The following WDR11 variants were observed in gnomAD, a reference collection of about 807,000 sequenced individuals.
The protein encoded by WDR11 is WD repeat domain 11.
WDR11 carries 83 observed loss-of-function variants against 151.2 expected under a neutral mutation model. The ratio of observed to expected loss-of-function variants is 0.55; its 90% CI spans 0.46 to 0.66. The LOEUF is 0.66. Ranked by LOEUF, WDR11 falls within the 30% of genes least tolerant of loss-of-function variation. The pLI is 0.00. For synonymous variants in WDR11, 484 were observed against 533.1 expected (o/e 0.91, Z 1.27); for missense variants, 1,301 against 1,480.9 (o/e 0.88, Z 1.99).
At chr10:120,886,588 C>A in intron 15 of WDR11, 101 bp from the exon 16 acceptor site, 4 of 1,435,968 alleles carry the variant, frequency 2.8e-6, no homozygotes, top group Non-Finnish European at 3.8e-6. Context: ...TAGTTTTGGA[C>A]CTCCTCTTAA....
At chr10:120,860,442 A>G (rs1185026239) in intron 4 of WDR11, among the ~76,000 whole-genome samples, 160 bp downstream of exon 4, 1 of 152,206 alleles carries the variant, frequency 6.6e-6, no homozygotes, top group African/African-American at 2.4e-5. Flanking sequence ...AGCTCCTAAT[A>G]CACATACTCA....
intron 23 of WDR11, among the ~76,000 whole-genome samples, chr10:120,903,441 C>T (rs906760035): frequency 3.3e-5 from 5 of 150,740 alleles, no homozygotes; most frequent in Admixed American, 1.3e-4. Context: ...ACCCAGGAGG[C>T]GGAGGTTGCA....
chr10:120,896,568 G>T (rs970470070), intron 19 of WDR11, among the ~76,000 whole-genome samples: 11 of 152,068 alleles, frequency 7.2e-5, no homozygotes, highest in African/African-American at 1.9e-4. Flanking sequence ...CTAAAACACA[G>T]AACTTCCCAT....
rs773097370 is a variant in WDR11 at position 120,905,396 on chromosome 10, C to T, written c.3271C>T (p.Arg1091Trp). 14 of 1,614,004 alleles carry T rather than the reference C, an allele frequency of 8.7e-6. No homozygotes were observed. Among genetic ancestry groups the T allele is most frequent in the African/African-American group, 1.3e-5 (1 of 74,918 alleles). ...CCTGCAGACATACGGCGAGTGGAAT[C>T]GGGCTGCATGGCTGGCAAAAGTAGG... Reference protein sequence around the residue: ...RYLQTYGEWNRAAWLAKVRLN... With the variant: ...RYLQTYGEWNWAAWLAKVRLN... The change falls in exon 26 of 29, where the codon CGG (arginine) becomes TGG (tryptophan). Residue 1091 changes from arginine to tryptophan, a missense_variant. This residue lies in a region of WDR11 where 589 missense variants were observed against 670.6 expected (regional missense o/e 0.88). Transcript: ENST00000263461.
intron 11 of WDR11, among the ~76,000 whole-genome samples, chr10:120,874,772 G>A (rs1228683297): frequency 6.6e-6 from 1 of 151,220 alleles, no homozygotes; most frequent in Non-Finnish European, 1.5e-5. Flanking sequence ...ATTCCATGGT[G>A]TGTATGTACC....
intron 26 of WDR11, 112 bp downstream of exon 26, chr10:120,905,528 C>T (rs1848004785): frequency 2.7e-6 from 3 of 1,092,052 alleles, no homozygotes; most frequent in Non-Finnish European, 4.2e-6. Context: ...AGCTGCTTTG[C>T]AAATACTGTC....
At chr10:120,875,210 C>T (rs545897346) in intron 11 of WDR11, among the ~76,000 whole-genome samples, 1 of 152,298 alleles carries the variant, frequency 6.6e-6, no homozygotes, top group African/African-American at 2.4e-5. Flanking sequence ...CTGCTTATGA[C>T]AAATTCAAAT....
At chr10:120,903,503 C>T (rs2133813661) in intron 23 of WDR11, among the ~76,000 whole-genome samples, 1 of 144,406 alleles carries the variant, frequency 6.9e-6, no homozygotes, top group African/African-American at 2.6e-5. Context: ...GAGCAAGACT[C>T]TGTCTCCAAA....
At chr10:120,906,388 G>A in intron 27 of WDR11, 1 of 1,242,704 alleles carries the variant, frequency 8.0e-7, no homozygotes, top group Non-Finnish European at 1.0e-6. Flanking sequence ...CATCCCGTCT[G>A]AAAATCTGGA....
Position 120,860,245 on chromosome 10 carries a change from T to C in WDR11, c.489T>C (p.Ser163=), listed in dbSNP as rs1296064897. 2 of 1,614,040 alleles carry C rather than the reference T, an allele frequency of 1.2e-6. No homozygotes were observed. Among genetic ancestry groups the C allele is most frequent in the Admixed American group, 3.3e-5 (2 of 60,008 alleles). Residue 163 remains serine, a synonymous_variant, in exon 4 of 29, where the codon TCT becomes TCC. Transcript: ENST00000263461. ...WKKSYADNIL[S]FSFDPFDPSH... ...AGAGCTATGCAGATAACATTCTTTC[T>C]TTTTCTTTTGACCCTTTTGATCCCT...
intron 19 of WDR11, among the ~76,000 whole-genome samples, chr10:120,899,204 C>A (rs1348244692): frequency 1.3e-5 from 2 of 152,006 alleles, no homozygotes; most frequent in African/African-American, 4.8e-5. Flanking sequence ...GATGCTAGGG[C>A]CTAGAGTCTA....
At chr10:120,897,953 C>T (rs1011630758) in intron 19 of WDR11, among the ~76,000 whole-genome samples, 1 of 152,110 alleles carries the variant, frequency 6.6e-6, no homozygotes, top group Non-Finnish European at 1.5e-5. Context: ...GAAAAATCCA[C>T]ATAAAATATT....
intron 2 of WDR11, among the ~76,000 whole-genome samples, chr10:120,853,456 C>T (rs11199600): frequency 0.013 from 1,992 of 151,884 alleles, 17 homozygotes; most frequent in Non-Finnish European, 0.018. Flanking sequence ...TAGTAGAGAC[C>T]GGGTTTCACC....
chr10:120,876,546 A>G (rs1022712808), intron 11 of WDR11, among the ~76,000 whole-genome samples: 3 of 152,048 alleles, frequency 2.0e-5, no homozygotes, highest in African/African-American at 7.2e-5. Context: ...CTTCTGTTGC[A>G]GTGTCTGTAG....
intron 19 of WDR11, among the ~76,000 whole-genome samples, chr10:120,892,757 A>T (rs1483763685): frequency 6.6e-6 from 1 of 152,222 alleles, no homozygotes; most frequent in Non-Finnish European, 1.5e-5. Context: ...AAGAGGGGGC[A>T]GTCAGACAAA....
Position 120,883,765 on chromosome 10 carries a change from TTTTG to T in WDR11, c.1740-11_1740-8del, listed in dbSNP as rs1564709831. ...TTGCAAAAAGGGGCTTATTTAGTAATTTTGTTTATTTTAGGCAGTATTTGGCAGT... is the reference window on the plus strand; with the variant it reads ...TTGCAAAAAGGGGCTTATTTAGTAATTTTATTTTAGGCAGTATTTGGCAGT... On this transcript the variant is annotated splice_polypyrimidine_tract_variant and intron_variant, in intron 13 of 28. Coordinates refer to ENST00000263461, the MANE Select transcript of WDR11 (RefSeq NM_018117.12). The T allele has an allele frequency of 3.1e-6, 5 of 1,612,338 alleles. No individual in the cohort carries two copies. The highest frequency in any genetic ancestry group is 4.2e-6 in the Non-Finnish European group (5 of 1,178,638).
At chr10:120,873,757 T>G in intron 10 of WDR11, 82 bp from the exon 11 acceptor site, 1 of 906,742 alleles carries the variant, frequency 1.1e-6, no homozygotes. Flanking sequence ...GTTAAGTGAT[T>G]AAAGTCTTGA....
chr10:120,869,649 T>C (rs6585670), intron 9 of WDR11, among the ~76,000 whole-genome samples: 98,961 of 152,050 alleles, frequency 0.65, 33,074 homozygotes, highest in African/African-American at 0.82. Context: ...AAGGCCTAAT[T>C]TGCCCTACAT....
chr10:120,889,330 C>T (rs1039114474), intron 17 of WDR11, 146 bp downstream of exon 17: 20 of 642,922 alleles, frequency 3.1e-5, no homozygotes, highest in East Asian at 9.1e-5. Context: ...CTCTGACTCC[C>T]GGGTTCATGC....
Sources: allele counts gnomAD v4.1 joint callset (sites outside exome capture counted in the v4.1 genomes callset), GRCh38; gene constraint gnomAD v4.1.1; regional missense constraint gnomAD v4.1.1; transcripts MANE v1.5; gene names NCBI Gene and HGNC (gene_info 2026-07-23, HGNC 2026-07-21).